SCYL1: variants seen among roughly 807,000 people sequenced by gnomAD.
SCYL1 encodes SCY1 like pseudokinase 1.
In SCYL1, 85 loss-of-function variants were observed where a neutral mutation model predicts 94.8. That is an observed-to-expected ratio of 0.90 (90% confidence interval 0.75 to 1.07). The LOEUF is 1.07. SCYL1 is among the 50% of genes least tolerant of loss of function. The pLI, the probability that SCYL1 is intolerant of heterozygous loss-of-function variation, is 0.00. For missense variants in SCYL1, 968 were observed against 1,083.3 expected (o/e 0.89, Z 1.49); for synonymous variants, 459 against 435.5 (o/e 1.05, Z -0.67).
In SCYL1 at chr11:65,527,054, G is replaced by A. The variant is rs1324736548; in HGVS notation, c.786G>A (p.Arg262=). ...PNPARFLQNC[R]APGGFMSNRF... ...CAGCCCGCTTCCTGCAGAACTGCCG[G>A]GCACCTGGTGGCTTCATGAGCAACC... The change falls in exon 6 of 18, where the codon CGG becomes CGA. Residue 262 remains arginine, a synonymous_variant. Transcript: ENST00000270176. 3 of 1,613,600 alleles carry A rather than the reference G, an allele frequency of 1.9e-6. No individual in the cohort carries two copies. Among genetic ancestry groups the A allele is most frequent in the Non-Finnish European group, 2.5e-6 (3 of 1,179,998 alleles).
chr11:65,536,675 A>G lies in SCYL1; in HGVS notation c.1741A>G (p.Thr581Ala), dbSNP rs1203019467. ...GGCCGTGACCGGGGTCTCCTCACTC[A>G]CCTCCAAGCTGATCCGTTCGCACCC... ...GWAVTGVSSL[T>A]SKLIRSHPTT... Residue 581 changes from threonine to alanine, a missense_variant, in exon 13 of 18, where the codon ACC becomes GCC. Physicochemically the swap from Thr to Ala is moderately conservative, Grantham distance 58 (BLOSUM62 0). This residue lies in a region of SCYL1 where 474 missense variants were observed against 463.6 expected (regional missense o/e 1.02). Coordinates refer to ENST00000270176, the MANE Select transcript of SCYL1 (RefSeq NM_020680.4). 3 of 1,613,710 alleles carry G rather than the reference A, an allele frequency of 1.9e-6. No homozygotes were observed. Among genetic ancestry groups the G allele is most frequent in the Non-Finnish European group, 2.5e-6 (3 of 1,179,892 alleles).
At chr11:65,533,052 A>G in intron 9 of SCYL1, 1 of 498,038 alleles carries the variant, frequency 2.0e-6, no homozygotes, top group Non-Finnish European at 3.7e-6. Context: ...TGAGGTGCCC[A>G]GCCCCCTGCA....
At position 65,538,532 on chromosome 11, in the gene SCYL1, G is replaced by A. The variant is rs1397432651; in HGVS notation, c.2393G>A (p.Gly798Asp). Residue 798 changes from glycine (G) to aspartate (D), a missense_variant, in exon 18 of 18, where the codon GGC (glycine) becomes GAC (aspartate). By Grantham distance (94) the Gly-to-Asp change is moderately conservative (BLOSUM62 -1). Around this residue, in one of 2 missense-constraint regions of SCYL1, gnomAD observed 474 missense variants for 463.6 expected, o/e 1.02. Coordinates refer to ENST00000270176, the MANE Select transcript of SCYL1 (RefSeq NM_020680.4). ...CGCGCCGAGAGGAAGGTGGCCAAGG[G>A]CCCCATGAAGCTGGGAGCCCGGAAG... ...AKRAERKVAKGPMKLGARKLD is the reference protein window; with the variant it reads ...AKRAERKVAKDPMKLGARKLD 2 of 1,611,144 alleles carry A rather than the reference G, an allele frequency of 1.2e-6. No individual in the cohort carries two copies. The highest frequency in any genetic ancestry group is 1.7e-6 in the Non-Finnish European group (2 of 1,179,420).
intron 8 of SCYL1, among the ~76,000 whole-genome samples, chr11:65,531,999 G>A (rs1817123519): frequency 6.6e-6 from 1 of 152,208 alleles, no homozygotes; most frequent in African/African-American, 2.4e-5. Flanking sequence ...CATCAGACAA[G>A]ATGGATGGGA....
intron 10 of SCYL1, 130 bp downstream of exon 10, chr11:65,535,512 A>C: frequency 8.3e-7 from 1 of 1,204,186 alleles, no homozygotes; most frequent in Non-Finnish European, 1.1e-6. Context: ...TGTTGGCCCC[A>C]TATCTGGGTT....
Position 65,526,458 on chromosome 11 carries a change from G to A in SCYL1, c.602+108G>A. 2 of 943,862 alleles carry A rather than the reference G, an allele frequency of 2.1e-6. No homozygotes were observed. Among genetic ancestry groups the A allele is most frequent in the East Asian group, 2.6e-5 (1 of 37,810 alleles). 58.5% of individuals were successfully genotyped at this position (943,862 alleles called of 1,614,324 possible). ...TCCCCTGTTCCCTGCTGCCTGGCTG[G>A]GGAGGGAATCAGTGTCCCAGGAGTG... On this transcript the variant is annotated intron_variant, in intron 4 of 17. Transcript: ENST00000270176. The surrounding 1 kb of genome is among the most constrained non-coding windows in gnomAD (Gnocchi z 4.1).
intron 6 of SCYL1, among the ~76,000 whole-genome samples, chr11:65,529,969 G>C (rs919103372): frequency 2.0e-5 from 3 of 152,152 alleles, no homozygotes; most frequent in African/African-American, 4.8e-5. Flanking sequence ...TCTGTGTAAA[G>C]GTTTTAGCAC....
chr11:65,525,435 C>A, intron 1 of SCYL1, 139 bp from the exon 2 acceptor site: 2 of 1,156,212 alleles, frequency 1.7e-6, no homozygotes, highest in African/African-American at 1.6e-5. Flanking sequence ...GAGGGACCGA[C>A]AGGCGGACAG....
intron 7 of SCYL1, 116 bp from the exon 8 acceptor site, chr11:65,531,460 C>G (rs544871241): frequency 3.6e-4 from 262 of 736,158 alleles, no homozygotes; most frequent in Non-Finnish European, 5.3e-4. Flanking sequence ...ATGCCTGCCC[C>G]CCCCTCCGCC....
At chr11:65,525,893 C>T (rs1399707338) in intron 2 of SCYL1, 28 bp from the exon 3 acceptor site, 13 of 1,607,574 alleles carry the variant, frequency 8.1e-6, no homozygotes, top group Non-Finnish European at 1.0e-5. Flanking sequence ...CCCCTCCGCC[C>T]TTGATAACCC....
In SCYL1 at chr11:65,525,186, C is replaced by T; in HGVS notation, c.33C>T (p.Asp11=). Residue 11 remains aspartate (D), a synonymous_variant, in exon 1 of 18, where the codon GAC becomes GAT. Coordinates refer to ENST00000270176, the MANE Select transcript of SCYL1 (RefSeq NM_020680.4). ...TCTTTGCCCGGGACCCGGTCCGGGA[C>T]TTTCCGTTCGAGCTCATCCCGGAGC... is the stretch of plus-strand genomic sequence containing the variant. MWFFARDPVR[D]FPFELIPEPP... The T allele has an allele frequency of 6.9e-7, 1 of 1,449,534 alleles. No homozygotes were observed. The highest frequency in any genetic ancestry group is 9.1e-7 in the Non-Finnish European group (1 of 1,096,200). The allele number at this position is 1,449,534 out of a possible 1,614,324, so 89.8% of individuals were successfully genotyped here.
In SCYL1 at chr11:65,525,985, G is replaced by T. The variant is rs1176687635; in HGVS notation, c.317G>T (p.Arg106Ile). The T allele has an allele frequency of 1.9e-6, 3 of 1,613,550 alleles. No homozygotes were observed. The highest frequency in any genetic ancestry group is 1.7e-5 in the Admixed American group (1 of 60,026). Residue 106 changes from arginine to isoleucine, a missense_variant, in exon 3 of 18, where the codon AGA becomes ATA. Arg to Ile is a moderately conservative substitution (Grantham distance 97, BLOSUM62 -3). Around this residue, in one of 2 missense-constraint regions of SCYL1, gnomAD observed 494 missense variants for 619.7 expected, o/e 0.80. Coordinates refer to ENST00000270176, the MANE Select transcript of SCYL1 (RefSeq NM_020680.4). ...CCGTTGGGAATATACCTCAAGGCGA[G>T]AGTGGAGGCTGGTGGCCTGAAGGAG... Reference protein sequence around the residue: ...VTPLGIYLKARVEAGGLKELE... With the variant: ...VTPLGIYLKAIVEAGGLKELE...
chr11:65,532,426 GAAAAAAAAAA>G (rs398016427), intron 8 of SCYL1, among the ~76,000 whole-genome samples: 2 of 104,234 alleles, frequency 1.9e-5, no homozygotes, highest in Non-Finnish European at 4.0e-5. Context: ...CTCTGTCTCA[GAAAAAAAAAA>G]AAAAAAAAAA....
In SCYL1 at chr11:65,536,597, C is replaced by T. The variant is rs753824587; in HGVS notation, c.1663C>T (p.His555Tyr). The change falls in exon 13 of 18, where the codon CAT becomes TAT. Residue 555 changes from histidine to tyrosine, a missense_variant. His to Tyr is a moderately conservative substitution (Grantham distance 83). This residue lies in a region of SCYL1 where 474 missense variants were observed against 463.6 expected (regional missense o/e 1.02). Transcript: ENST00000270176. ...TQLEEVEKDV[H>Y]AASSPGMGGA... is the part of the protein sequence containing the mutation. ...ATGCCACTGCCCAGAGAAGGATGTC[C>T]ATGCAGCCTCCAGCCCTGGCATGGG... 3 of 1,613,946 alleles carry T rather than the reference C, an allele frequency of 1.9e-6. No homozygotes were observed. The highest frequency in any genetic ancestry group is 2.5e-6 in the Non-Finnish European group (3 of 1,179,976).
In SCYL1 at chr11:65,536,103, G is replaced by T. The variant is rs770817615; in HGVS notation, c.1537G>T (p.Gly513Cys). ...CCAGAAGATCCTGCCTGTGCTCTGCGGTCTCACTGTAGATCCTGAGAAATC... is the reference window on the plus strand; with the variant it reads ...CCAGAAGATCCTGCCTGTGCTCTGCTGTCTCACTGTAGATCCTGAGAAATC... ...CAQKILPVLC[G>C]LTVDPEKSVR... is the part of the protein sequence containing the mutation. The change falls in exon 11 of 18, where the codon GGT becomes TGT. Residue 513 changes from glycine to cysteine, a missense_variant. Coordinates refer to ENST00000270176, the MANE Select transcript of SCYL1 (RefSeq NM_020680.4). 6.2e-7 allele frequency: 1 copy of T among 1,614,100 alleles called. No individual in the cohort carries two copies. The highest frequency in any genetic ancestry group is 8.5e-7 in the Non-Finnish European group (1 of 1,179,968).
intron 6 of SCYL1, among the ~76,000 whole-genome samples, chr11:65,528,250 TGAC>T (rs1182313074): frequency 6.7e-6 from 1 of 149,172 alleles, no homozygotes; most frequent in Non-Finnish European, 1.5e-5. Context: ...CGATACCAGC[TGAC>T]GACATGGAGA....
chr11:65,536,341 G>A lies in SCYL1; in HGVS notation c.1651+7G>A, dbSNP rs759778952. The A allele has an allele frequency of 1.2e-6, 2 of 1,613,612 alleles. No individual in the cohort carries two copies. The highest frequency in any genetic ancestry group is 1.7e-6 in the Non-Finnish European group (2 of 1,179,564). On this transcript the variant is annotated splice_region_variant and intron_variant, in intron 12 of 17. Coordinates refer to ENST00000270176, the MANE Select transcript of SCYL1 (RefSeq NM_020680.4). ...ACCCAGCTGGAGGAAGTGGGTGAGT[G>A]GCTTACACTCGTGTTCCCTCTTTCC...
intron 9 of SCYL1, 47 bp downstream of exon 9, chr11:65,532,852 T>G (rs1855456097): frequency 2.8e-6 from 4 of 1,415,688 alleles, no homozygotes; most frequent in Non-Finnish European, 4.0e-6. Flanking sequence ...TTTCCAAGGC[T>G]TGGAGGGGCT....
In SCYL1 at chr11:65,525,611, T is replaced by C. The variant is rs1590719352; in HGVS notation, c.149T>C (p.Val50Ala). 1.4e-5 allele frequency: 23 copies of C among 1,612,780 alleles called. No individual in the cohort carries two copies. The highest frequency in any genetic ancestry group is 1.9e-5 in the Non-Finnish European group (23 of 1,179,960). ...GSPVSIFVYD[V>A]KPGAEEQTQV... ...CCCGTGTCCATCTTCGTCTATGATG[T>C]GAAGCCTGGCGCGGAAGAGCAGACC... Residue 50 changes from valine to alanine, a missense_variant, in exon 2 of 18, where the codon GTG (valine) becomes GCG (alanine). By Grantham distance (64) the Val-to-Ala change is moderately conservative. This residue lies in a region of SCYL1 where 494 missense variants were observed against 619.7 expected (regional missense o/e 0.80). Coordinates refer to ENST00000270176, the MANE Select transcript of SCYL1 (RefSeq NM_020680.4).
Sources: gnomAD v4.1 joint callset for allele counts (sites outside exome capture counted in the v4.1 genomes callset) on GRCh38, gnomAD v4.1.1 for gene constraint, gnomAD v4.1.1 regional missense constraint, Gnocchi (gnomAD v3.1) non-coding constraint, MANE v1.5 for transcripts, NCBI Gene and HGNC (gene_info 2026-07-23, HGNC 2026-07-21) for gene names.